CLCNKA: variants seen among roughly 807,000 people sequenced by gnomAD.
CLCNKA encodes the protein chloride channel protein ClC-Ka.
Under a neutral mutation model 83.3 loss-of-function variants are expected in CLCNKA, and 66 were observed. That is an observed-to-expected ratio of 0.79 (90% CI 0.65 to 0.97). The LOEUF (loss-of-function observed/expected upper bound fraction) is 0.97. Ranked by LOEUF, CLCNKA falls within the 50% of genes least tolerant of loss-of-function variation. The pLI, the probability that CLCNKA is intolerant of heterozygous loss-of-function variation, is 0.00. For missense variants in CLCNKA, 806 were observed against 888.7 expected (o/e 0.91, Z 1.18); for synonymous variants, 357 against 370.4 (o/e 0.96, Z 0.42).
intron 3 of CLCNKA, 90 bp downstream of exon 3, chr1:16,024,018 A>C (rs1051646774): frequency 1.3e-6 from 2 of 1,527,064 alleles, no homozygotes; most frequent in African/African-American, 2.7e-5. Flanking sequence ...GCAGCGGTGC[A>C]GGGACGGACC....
chr1:16,024,944 C>A, intron 4 of CLCNKA, 53 bp downstream of exon 4: 1 of 1,610,776 alleles, frequency 6.2e-7, no homozygotes. Flanking sequence ...TCTCAGATCC[C>A]AGGGGGCTTC....
At position 16,027,911 on chromosome 1, in the gene CLCNKA, T is replaced by TG; in HGVS notation, c.866+9dup. ...TTCTTTTTTGTGGCGCTGGGGTGAG[T>TG]GGGTGCCTTGGGCCCCTGAGAGTCC... On this transcript the variant is annotated splice_region_variant and intron_variant, in intron 9 of 19. Coordinates refer to ENST00000331433, the MANE Select transcript of CLCNKA (RefSeq NM_004070.4). The TG allele has an allele frequency of 3.1e-6, 5 of 1,613,698 alleles. No homozygotes were observed. Among genetic ancestry groups the TG allele is most frequent in the Non-Finnish European group, 3.4e-6 (4 of 1,179,822 alleles).
intron 14 of CLCNKA, among the ~76,000 whole-genome samples, 183 bp downstream of exon 14, chr1:16,030,258 G>T (rs1173365351): frequency 1.3e-5 from 2 of 152,110 alleles, no homozygotes; most frequent in East Asian, 3.9e-4. Context: ...CTTCCTCGTG[G>T]CTCCTGTCCC....
chr1:16,031,796 T>C lies in CLCNKA; in HGVS notation c.1709T>C (p.Val570Ala). The part of the protein sequence containing the change: ...KDTPLEEVVK[V>A]VTSTDVTEYP... ...ACGCCGCTGGAGGAGGTGGTCAAGG[T>C]TGTGACCTCCACAGACGTGACCGAG... is the stretch of plus-strand genomic sequence containing the variant. The change falls in exon 16 of 20, where the codon GTT becomes GCT. Residue 570 changes from valine to alanine, a missense_variant. By Grantham distance (64) the Val-to-Ala change is moderately conservative (BLOSUM62 0). Transcript: ENST00000331433. The C allele has an allele frequency of 1.2e-6, 2 of 1,613,856 alleles. No individual in the cohort carries two copies. The highest frequency in any genetic ancestry group is 1.1e-5 in the South Asian group (1 of 91,068).
chr1:16,032,219 A>G lies in CLCNKA; in HGVS notation c.1773A>G (p.Val591=). 1.2e-6 allele frequency: 2 copies of G among 1,608,136 alleles called. No individual in the cohort carries two copies. The highest frequency in any genetic ancestry group is 1.1e-5 in the South Asian group (1 of 90,984). ...LVESTESQIL[V]GIVQRAQLVQ... is the part of the protein sequence containing the mutation. ...ACTTGCCAGAGTCCCAGATCCTGGT[A>G]GGCATCGTGCAGAGGGCCCAGCTGG... Residue 591 remains valine (V), a synonymous_variant, in exon 17 of 20, where the codon GTA becomes GTG. Transcript: ENST00000331433.
rs1379008374 is a variant in CLCNKA, at chr1:16,033,290, GA to G, written c.2016+35del. ...GTCCCGGGGGCAGAGCAAAGCAGGG[GA>G]CCCATGCCTGAGAAGGCTGGGGAGA... On this transcript the variant is annotated intron_variant, in intron 19 of 19. Transcript: ENST00000331433. 7 of 1,608,840 alleles carry G rather than the reference GA, an allele frequency of 4.4e-6. No individual in the cohort carries two copies. In the African/African-American group the frequency reaches 6.7e-5, roughly 15 times the overall value.
intron 13 of CLCNKA, 45 bp from the exon 14 acceptor site, chr1:16,029,920 G>A: frequency 6.2e-7 from 1 of 1,600,458 alleles, no homozygotes; most frequent in South Asian, 1.1e-5. Context: ...AGGGCTGTGG[G>A]GGCCGGGTCA....
chr1:16,029,102 C>T, intron 11 of CLCNKA, 24 bp from the exon 12 acceptor site: 2 of 1,608,674 alleles, frequency 1.2e-6, no homozygotes, highest in Non-Finnish European at 1.7e-6. Flanking sequence ...CCCTCATGTC[C>T]AGTTCCCACC....
Position 16,033,157 on chromosome 1 carries a change from AT to A in CLCNKA, c.1930-12del. 4 of 1,613,824 alleles carry A rather than the reference AT, an allele frequency of 2.5e-6. No homozygotes were observed. Among genetic ancestry groups the A allele is most frequent in the Non-Finnish European group, 3.4e-6 (4 of 1,179,772 alleles). On this transcript the variant is annotated splice_polypyrimidine_tract_variant and intron_variant, in intron 18 of 19. Coordinates refer to ENST00000331433, the MANE Select transcript of CLCNKA (RefSeq NM_004070.4). The stretch of plus-strand genomic sequence containing the variant: ...ATCTACCCTCCAGTGTTTCCTAACA[AT>A]CCCCCATCCAGGCACAAAACCTCTT...
In CLCNKA at chr1:16,022,608, T is replaced by C; in HGVS notation, c.-7-5T>C. ...CCGGGTCCTTCCCTCCATCTGCTTCTCCAGGGGCCTGATGGAGGAGTTGGT... is the reference window on the plus strand; with the variant it reads ...CCGGGTCCTTCCCTCCATCTGCTTCCCCAGGGGCCTGATGGAGGAGTTGGT... On this transcript the variant is annotated splice_region_variant and splice_polypyrimidine_tract_variant and intron_variant, in intron 1 of 19. Transcript: ENST00000331433. The C allele has an allele frequency of 1.3e-6, 2 of 1,554,334 alleles. No individual in the cohort carries two copies. Among genetic ancestry groups the C allele is most frequent in the African/African-American group, 1.4e-5 (1 of 73,908 alleles).
At position 16,027,414 on chromosome 1, in the gene CLCNKA, G is replaced by A. The variant is rs1343335274; in HGVS notation, c.760G>A (p.Ala254Thr). Residue 254 changes from alanine (A) to threonine (T), a missense_variant, in exon 8 of 20, where the codon GCA becomes ACA. Coordinates refer to ENST00000331433, the MANE Select transcript of CLCNKA (RefSeq NM_004070.4). ...CGGGGCCTTCATATTCCGGCTCCTG[G>A]CAGTCTTCAACAGCGAGCAGGGTGA... is the stretch of plus-strand genomic sequence containing the variant. Reference protein sequence around the residue: ...TCGAFIFRLLAVFNSEQETIT... With the variant: ...TCGAFIFRLLTVFNSEQETIT... The A allele has an allele frequency of 1.2e-6, 2 of 1,613,914 alleles. No individual in the cohort carries two copies. Among genetic ancestry groups the A allele is most frequent in the African/African-American group, 2.7e-5 (2 of 74,948 alleles).
At chr1:16,031,592 T>G in intron 15 of CLCNKA, 118 bp from the exon 16 acceptor site, 1 of 1,460,904 alleles carries the variant, frequency 6.8e-7, no homozygotes, top group Non-Finnish European at 9.4e-7. Flanking sequence ...TCTCCAGCCC[T>G]GCTCACACTC....
At chr1:16,032,692 G>A (rs543136482) in intron 18 of CLCNKA, among the ~76,000 whole-genome samples, 166 bp downstream of exon 18, 1 of 152,156 alleles carries the variant, frequency 6.6e-6, no homozygotes, top group South Asian at 2.1e-4. Flanking sequence ...GCCCCTCACT[G>A]CCAGGGTTGC....
At chr1:16,025,991 C>T (rs61299694) in intron 4 of CLCNKA, 117 bp from the exon 5 acceptor site, 46 of 1,372,548 alleles carry the variant, frequency 3.4e-5, no homozygotes, top group South Asian at 1.8e-4. Context: ...CCTGACCTCG[C>T]GATCCGCCTG....
At chr1:16,033,287 G>A (rs1476230222) in intron 19 of CLCNKA, 31 bp downstream of exon 19, 13 of 1,610,644 alleles carry the variant, frequency 8.1e-6, no homozygotes, top group African/African-American at 4.0e-5. Context: ...GAGCAAAGCA[G>A]GGGACCCATG....
At chr1:16,026,908 G>A in intron 7 of CLCNKA, 133 bp downstream of exon 7, 2 of 1,215,204 alleles carry the variant, frequency 1.6e-6, no homozygotes, top group Non-Finnish European at 1.2e-6. Flanking sequence ...GCCCCGCTTT[G>A]GGTATAGCCA....
chr1:16,026,691 C>T lies in CLCNKA; in HGVS notation c.577-6C>T, dbSNP rs765524557. The T allele has an allele frequency of 2.5e-6, 4 of 1,613,652 alleles. No homozygotes were observed. The Admixed American group carries it at 5.0e-5, about 20-fold the overall frequency. On this transcript the variant is annotated splice_polypyrimidine_tract_variant and splice_region_variant and intron_variant, in intron 6 of 19. Coordinates refer to ENST00000331433, the MANE Select transcript of CLCNKA (RefSeq NM_004070.4). ...TGACTCTGAGCCCTGGACTCGGATCCCCCAGAACAAGAGCAAGCAAAACGA... is the reference window on the plus strand; with the variant it reads ...TGACTCTGAGCCCTGGACTCGGATCTCCCAGAACAAGAGCAAGCAAAACGA...
Position 16,033,154 on chromosome 1 carries a change from A to G in CLCNKA, c.1930-16A>G. On this transcript the variant is annotated splice_polypyrimidine_tract_variant and intron_variant, in intron 18 of 19. Coordinates refer to ENST00000331433, the MANE Select transcript of CLCNKA (RefSeq NM_004070.4). Reference sequence around the variant, plus strand: ...GCCATCTACCCTCCAGTGTTTCCTAACAATCCCCCATCCAGGCACAAAACC... The same window carrying G: ...GCCATCTACCCTCCAGTGTTTCCTAGCAATCCCCCATCCAGGCACAAAACC... 1 of 1,613,658 alleles carries G rather than the reference A, an allele frequency of 6.2e-7. No homozygotes were observed. Among genetic ancestry groups the G allele is most frequent in the African/African-American group, 1.3e-5 (1 of 75,036 alleles).
intron 15 of CLCNKA, 83 bp downstream of exon 15, chr1:16,030,757 A>T: frequency 6.4e-7 from 1 of 1,568,852 alleles, no homozygotes; most frequent in Non-Finnish European, 8.7e-7. Context: ...TCCAAAAAGA[A>T]ACACCACCGC....
Sources: allele counts gnomAD v4.1 joint callset (sites outside exome capture counted in the v4.1 genomes callset), GRCh38; gene constraint gnomAD v4.1.1; transcripts MANE v1.5; gene names NCBI Gene and HGNC (gene_info 2026-07-23, HGNC 2026-07-21).